Variants in CIMAP3 observed in about 807,000 individuals in gnomAD.
The protein encoded by CIMAP3 is ciliary microtubule associated protein 3, also known as ciliary microtubule-associated protein 3.
the CIMAP3 span, among the ~76,000 whole-genome samples, chr1:111,342,997 G>C: frequency 6.6e-6 from 1 of 152,238 alleles, no homozygotes; most frequent in East Asian, 1.9e-4. Context: ...GAAGGCAAAG[G>C]GTGAAGCCAG....
chr1:111,334,891 G>A, the CIMAP3 span, among the ~76,000 whole-genome samples: 1 of 152,060 alleles, frequency 6.6e-6, no homozygotes, highest in Non-Finnish European at 1.5e-5. Context: ...ACATTGGAAG[G>A]CTGAGGTTGG....
At chr1:111,347,618 C>G in the CIMAP3 span, 2 of 928,428 alleles carry the variant, frequency 2.2e-6, no homozygotes, top group South Asian at 1.9e-5. Flanking sequence ...GTTGTTTTTT[C>G]TTTCTTTTTT....
chr1:111,344,731 A>T, the CIMAP3 span, among the ~76,000 whole-genome samples: 2 of 152,230 alleles, frequency 1.3e-5, no homozygotes, highest in African/African-American at 2.4e-5. Context: ...TTCAAAAAGC[A>T]CATTAATACC....
chr1:111,336,697 T>G, the CIMAP3 span, among the ~76,000 whole-genome samples: 1 of 152,084 alleles, frequency 6.6e-6, no homozygotes, highest in South Asian at 2.1e-4. Flanking sequence ...TGGGACTATG[T>G]GAAAAGACCG....
the CIMAP3 span, among the ~76,000 whole-genome samples, chr1:111,334,144 G>A: frequency 1.6e-4 from 25 of 152,208 alleles, no homozygotes; most frequent in East Asian, 3.9e-3. Context: ...TTCTTGCATC[G>A]GTAAACTGGT....
the CIMAP3 span, among the ~76,000 whole-genome samples, chr1:111,340,414 C>G: frequency 9.6e-3 from 1,467 of 152,196 alleles, 8 homozygotes; most frequent in Non-Finnish European, 0.016. Flanking sequence ...TCAGAGTGAA[C>G]AGGCAACCCA....
the CIMAP3 span, among the ~76,000 whole-genome samples, chr1:111,333,061 AT>A: frequency 1.3e-5 from 2 of 152,240 alleles, no homozygotes; most frequent in Non-Finnish European, 2.9e-5. Context: ...ATGCAGGCCC[AT>A]AGCCACTCCA....
the CIMAP3 span, among the ~76,000 whole-genome samples, chr1:111,338,010 T>A: frequency 6.7e-6 from 1 of 149,204 alleles, no homozygotes; most frequent in African/African-American, 2.5e-5. Context: ...CAGACCACAG[T>A]GCAATCAAAC....
chr1:111,333,188 C>T, the CIMAP3 span, among the ~76,000 whole-genome samples: 1 of 152,320 alleles, frequency 6.6e-6, no homozygotes, highest in South Asian at 2.1e-4. Context: ...AAATTTCAGG[C>T]TATTCCCCTG....
chr1:111,327,364 C>G, the CIMAP3 span, among the ~76,000 whole-genome samples: 4 of 152,042 alleles, frequency 2.6e-5, no homozygotes. Flanking sequence ...TGATGTTGGC[C>G]TCATAGAATG....
chr1:111,325,896 C>T, the CIMAP3 span, among the ~76,000 whole-genome samples: 58 of 152,212 alleles, frequency 3.8e-4, no homozygotes, highest in Non-Finnish European at 7.1e-4. Flanking sequence ...ACTAATAACA[C>T]TCCAGATTTA....
the CIMAP3 span, chr1:111,348,672 T>C: frequency 1.9e-6 from 3 of 1,540,618 alleles, no homozygotes; most frequent in Non-Finnish European, 2.6e-6. Context: ...TTTGGTGCAC[T>C]TCAACAAAAA....
At chr1:111,329,040 C>T in the CIMAP3 span, among the ~76,000 whole-genome samples, 1 of 152,126 alleles carries the variant, frequency 6.6e-6, no homozygotes, top group Non-Finnish European at 1.5e-5. Flanking sequence ...TAAGGCAGAC[C>T]TGGTAATGAA....
chr1:111,330,596 A>T, the CIMAP3 span, among the ~76,000 whole-genome samples: 1 of 152,314 alleles, frequency 6.6e-6, no homozygotes, highest in East Asian at 1.9e-4. Flanking sequence ...CAATGCTCTG[A>T]AATTGCAGAG....
the CIMAP3 span, among the ~76,000 whole-genome samples, chr1:111,340,390 A>G: frequency 6.6e-6 from 1 of 152,264 alleles, no homozygotes; most frequent in African/African-American, 2.4e-5. Flanking sequence ...TCTGCACAGC[A>G]AAAGAAACTA....
the CIMAP3 span, among the ~76,000 whole-genome samples, chr1:111,344,900 A>G: frequency 1.3e-5 from 2 of 152,216 alleles, no homozygotes; most frequent in African/African-American, 4.8e-5. Flanking sequence ...ATACAGGTGT[A>G]CCATTTTTAA....
chr1:111,347,136 T>C, the CIMAP3 span: 1 of 1,439,110 alleles, frequency 6.9e-7, no homozygotes, highest in Non-Finnish European at 9.3e-7. Context: ...AAGAAAAAAT[T>C]CTGTGGGACT....
the CIMAP3 span, among the ~76,000 whole-genome samples, chr1:111,340,430 T>C: frequency 2.6e-5 from 4 of 151,978 alleles, no homozygotes; most frequent in South Asian, 2.1e-4. Flanking sequence ...ACCCACAAAA[T>C]TGGAGAAAAT....
At chr1:111,345,213 A>G in the CIMAP3 span, among the ~76,000 whole-genome samples, 3 of 152,224 alleles carry the variant, frequency 2.0e-5, no homozygotes, top group African/African-American at 4.8e-5. Flanking sequence ...ATTTACTATC[A>G]GTATTATTGC....
Sources: allele counts gnomAD v4.1 joint callset (sites outside exome capture counted in the v4.1 genomes callset), GRCh38; gene constraint gnomAD v4.1.1; transcripts MANE v1.5; gene names NCBI Gene and HGNC (gene_info 2026-07-23, HGNC 2026-07-21).